Variants in TBC1D5 observed in about 807,000 individuals in gnomAD.
TBC1D5 encodes the protein TBC1 domain family, member 5.
TBC1D5 carries 75 observed loss-of-function variants against 100.3 expected under a neutral mutation model. The ratio of observed to expected loss-of-function variants is 0.75; its 90% CI spans 0.62 to 0.91. The LOEUF (loss-of-function observed/expected upper bound fraction) is 0.91. Among genes scored for constraint, TBC1D5 ranks in the 40% least tolerant of loss-of-function variants. The pLI is 0.00. For missense variants in TBC1D5, 910 were observed against 942.4 expected (o/e 0.97, Z 0.45); for synonymous variants, 323 against 325.6 (o/e 0.99, Z 0.09).
chr3:17,315,404 C>T (rs1266652025), intron 13 of TBC1D5, among the ~76,000 whole-genome samples: 1 of 152,158 alleles, frequency 6.6e-6, no homozygotes. Context: ...TTGCCCACTC[C>T]CCATGTAGAA....
intron 8 of TBC1D5, among the ~76,000 whole-genome samples, chr3:17,395,222 G>C (rs555359166): frequency 6.6e-6 from 1 of 152,036 alleles, no homozygotes; most frequent in Admixed American, 6.6e-5. Flanking sequence ...TACAATGCCT[G>C]AGTCACTTAA....
rs574816628 is a variant in TBC1D5, at chr3:17,181,998, C to T, written c.1852+3111G>A. Among the ~76,000 whole-genome samples, 23 of 152,124 alleles carry T rather than the reference C, an allele frequency of 1.5e-4. 1 individual carries two copies. In the South Asian group the frequency reaches 3.5e-3, roughly 23 times the overall value. On this transcript the variant is annotated intron_variant, in intron 19 of 21. Transcript: ENST00000253692. Reference sequence around the variant, plus strand: ...CTCCTTTAATAATGAGAAAGAGAAACACATCTATGGAAAAAATAAGGGTAT... The same window carrying T: ...CTCCTTTAATAATGAGAAAGAGAAATACATCTATGGAAAAAATAAGGGTAT...
chr3:17,701,726 G>A (rs2073235383), intron 1 of TBC1D5, among the ~76,000 whole-genome samples: 1 of 152,082 alleles, frequency 6.6e-6, no homozygotes, highest in African/African-American at 2.4e-5. Flanking sequence ...CAGATGGAAG[G>A]TCTGAGATGC....
intron 14 of TBC1D5, 123 bp from the exon 15 acceptor site, chr3:17,292,124 A>C (rs1575161267): frequency 2.5e-6 from 2 of 787,066 alleles, no homozygotes; most frequent in Non-Finnish European, 3.9e-6. Flanking sequence ...CTGATTTGAT[A>C]AAAGGGAGTA....
intron 2 of TBC1D5, among the ~76,000 whole-genome samples, chr3:17,579,187 A>G (rs919812611): frequency 3.9e-5 from 6 of 152,000 alleles, no homozygotes; most frequent in African/African-American, 1.4e-4. Context: ...TTCCCTTTAA[A>G]TGGGTCAGTT....
intron 2 of TBC1D5, among the ~76,000 whole-genome samples, chr3:17,529,157 A>G (rs552119104): frequency 4.3e-4 from 66 of 152,108 alleles, no homozygotes; most frequent in Non-Finnish European, 8.2e-4. Flanking sequence ...TCACAGGCTG[A>G]AATTTCTAAG....
At chr3:17,526,765 A>T (rs1368107571) in intron 2 of TBC1D5, among the ~76,000 whole-genome samples, 1 of 152,222 alleles carries the variant, frequency 6.6e-6, no homozygotes, top group Non-Finnish European at 1.5e-5. Context: ...ACTCTAGTGA[A>T]TATATTTACA....
intron 8 of TBC1D5, among the ~76,000 whole-genome samples, chr3:17,391,634 G>C (rs1037446714): frequency 6.6e-6 from 1 of 151,982 alleles, no homozygotes; most frequent in South Asian, 2.1e-4. Flanking sequence ...AGGACCTTCA[G>C]GAGAGCATCA....
Position 17,299,624 on chromosome 3 carries a change from C to A in TBC1D5, c.1139-7623G>T, listed in dbSNP as rs140559213. On this transcript the variant is annotated intron_variant, in intron 14 of 21. Transcript: ENST00000253692. ...CTGTAATCCCAGCACTTTGAGAGGG[C>A]GAGATGGGCGGATCACAAGGTCAGG... 3.5e-3 allele frequency among the ~76,000 whole-genome samples: 529 copies of A among 152,046 alleles called. 4 individuals are homozygous for A. Among genetic ancestry groups the A allele is most frequent in the African/African-American group, 0.012 (501 of 41,484 alleles).
intron 3 of TBC1D5, among the ~76,000 whole-genome samples, chr3:17,440,194 A>G (rs566822215): frequency 1.4e-4 from 21 of 152,342 alleles, no homozygotes; most frequent in Middle Eastern, 3.4e-3. Flanking sequence ...CTATAATAAC[A>G]TATGAATGAG....
intron 7 of TBC1D5, among the ~76,000 whole-genome samples, chr3:17,403,912 G>A (rs577385077): frequency 6.6e-6 from 1 of 152,192 alleles, no homozygotes; most frequent in South Asian, 2.1e-4. Flanking sequence ...GGACTCATAG[G>A]CCAACTGTCC....
intron 3 of TBC1D5, among the ~76,000 whole-genome samples, chr3:17,505,554 T>A (rs2095836415): frequency 6.6e-6 from 1 of 152,190 alleles, no homozygotes; most frequent in Non-Finnish European, 1.5e-5. Context: ...ATTTCTCTCA[T>A]CACTGATGAC....
At chr3:17,546,512 C>G (rs1028562438) in intron 2 of TBC1D5, among the ~76,000 whole-genome samples, 2 of 151,982 alleles carry the variant, frequency 1.3e-5, no homozygotes, top group Non-Finnish European at 2.9e-5. Context: ...ATCTGTAATG[C>G]TAGCACTTTG....
At chr3:17,706,422 TACACAC>T (rs34977117) in intron 1 of TBC1D5, among the ~76,000 whole-genome samples, 93 of 151,416 alleles carry the variant, frequency 6.1e-4, no homozygotes, top group African/African-American at 1.5e-3. Flanking sequence ...CAACTTTACT[TACACAC>T]ACACACACAC....
intron 2 of TBC1D5, among the ~76,000 whole-genome samples, chr3:17,516,285 A>G (rs1444004106): frequency 1.3e-5 from 2 of 152,146 alleles, no homozygotes; most frequent in Non-Finnish European, 2.9e-5. Flanking sequence ...TTTTATTAGA[A>G]TAAGTTTTTT....
At chr3:17,248,182 G>C (rs1236336473) in intron 16 of TBC1D5, among the ~76,000 whole-genome samples, 3 of 152,038 alleles carry the variant, frequency 2.0e-5, no homozygotes, top group East Asian at 3.9e-4. Context: ...GGTAGAGACA[G>C]GGTTTCACCA....
intron 3 of TBC1D5, among the ~76,000 whole-genome samples, chr3:17,449,310 C>G (rs1262086897): frequency 6.6e-6 from 1 of 152,186 alleles, no homozygotes. Context: ...AACTGGGCAG[C>G]CATTTGGGGC....
At chr3:17,157,541 G>A (rs1006928425) in exon 22 of TBC1D5, 3 of 152,014 alleles carry the variant, frequency 2.0e-5, no homozygotes, top group Admixed American at 1.3e-4. Context: ...AGCCTCCCCA[G>A]TGCCCCTCCT....
intron 1 of TBC1D5, among the ~76,000 whole-genome samples, chr3:17,633,893 C>T (rs1246566701): frequency 1.3e-5 from 2 of 152,196 alleles, no homozygotes; most frequent in East Asian, 1.9e-4. Context: ...TATTATTTCA[C>T]ACAATTCAGG....
Sources: allele counts gnomAD v4.1 joint callset (sites outside exome capture counted in the v4.1 genomes callset), GRCh38; gene constraint gnomAD v4.1.1; transcripts MANE v1.5; gene names NCBI Gene and HGNC (gene_info 2026-07-23, HGNC 2026-07-21).